The following KHDRBS3 variants were observed in gnomAD, a reference collection of about 807,000 sequenced individuals.
KHDRBS3 encodes KH domain-containing, RNA-binding, signal transduction-associated protein 3.
KHDRBS3 carries 23 observed loss-of-function variants against 45.6 expected under a neutral mutation model. That is an observed-to-expected ratio of 0.50 (90% CI 0.36 to 0.72). The LOEUF (loss-of-function observed/expected upper bound fraction) is 0.72. Ranked by LOEUF, KHDRBS3 falls within the 30% of genes least tolerant of loss-of-function variation. The pLI, the probability that KHDRBS3 is intolerant of heterozygous loss-of-function variation, is 0.00. For missense variants in KHDRBS3, 352 were observed against 424.8 expected (o/e 0.83, Z 1.51); for synonymous variants, 162 against 156.5 (o/e 1.04, Z -0.26).
chr8:135,555,331 A>C (rs1826822583), intron 4 of KHDRBS3, among the ~76,000 whole-genome samples: 1 of 152,068 alleles, frequency 6.6e-6, no homozygotes, highest in Non-Finnish European at 1.5e-5. Context: ...AATGTGGCCC[A>C]GCACAAATCC....
intron 5 of KHDRBS3, among the ~76,000 whole-genome samples, chr8:135,580,585 C>T (rs188077143): frequency 2.0e-5 from 3 of 148,820 alleles, no homozygotes; most frequent in African/African-American, 7.4e-5. Flanking sequence ...TAATGAAATC[C>T]TCTTCCTCTC....
intron 1 of KHDRBS3, among the ~76,000 whole-genome samples, chr8:135,472,872 A>G (rs1822082189): frequency 6.6e-6 from 1 of 152,202 alleles, no homozygotes; most frequent in African/African-American, 2.4e-5. Context: ...GTGTGGAATC[A>G]AAAGGGAAAG....
intron 2 of KHDRBS3, chr8:135,540,028 TTA>T (rs368829503): frequency 2.0e-5 from 3 of 152,222 alleles, no homozygotes; most frequent in African/African-American, 7.2e-5. Context: ...CTCTTAATTT[TTA>T]TCACTTGGGA....
chr8:135,599,357 T>C (rs900695677), intron 6 of KHDRBS3, among the ~76,000 whole-genome samples: 16 of 152,228 alleles, frequency 1.1e-4, no homozygotes, highest in African/African-American at 3.6e-4. Context: ...TGTTCTGATA[T>C]CAAAAGTAGA....
intron 6 of KHDRBS3, among the ~76,000 whole-genome samples, chr8:135,604,435 G>A (rs1425659481): frequency 6.6e-6 from 1 of 151,520 alleles, no homozygotes; most frequent in Non-Finnish European, 1.5e-5. Flanking sequence ...TGATAATGTA[G>A]GATTTATGCC....
intron 1 of KHDRBS3, among the ~76,000 whole-genome samples, chr8:135,478,074 T>G (rs556049232): frequency 2.0e-4 from 30 of 152,154 alleles, no homozygotes; most frequent in Non-Finnish European, 3.8e-4. Flanking sequence ...ATGCTCCTTA[T>G]AAGAATCCAA....
At chr8:135,496,159 G>A (rs772539795) in intron 1 of KHDRBS3, among the ~76,000 whole-genome samples, 6 of 131,612 alleles carry the variant, frequency 4.6e-5, no homozygotes, top group Admixed American at 8.6e-5. Context: ...GAAGTAGGAA[G>A]GAAAACTGTA....
chr8:135,644,613 C>T (rs1831204963), intron 7 of KHDRBS3, among the ~76,000 whole-genome samples: 1 of 152,192 alleles, frequency 6.6e-6, no homozygotes, highest in African/African-American at 2.4e-5. Context: ...GTAAACATCC[C>T]ATCTATTGGA....
At chr8:135,565,268 G>A (rs1299795722) in intron 5 of KHDRBS3, among the ~76,000 whole-genome samples, 1 of 152,154 alleles carries the variant, frequency 6.6e-6, no homozygotes, top group African/African-American at 2.4e-5. Flanking sequence ...TTTCTTTAGA[G>A]GGAAGGAATG....
At chr8:135,538,248 A>G (rs899200976) in intron 2 of KHDRBS3, among the ~76,000 whole-genome samples, 3 of 152,304 alleles carry the variant, frequency 2.0e-5, no homozygotes, top group Non-Finnish European at 4.4e-5. Context: ...AGATGGGTCA[A>G]AGTTCAGGGG....
At chr8:135,603,664 T>A (rs554712707) in intron 6 of KHDRBS3, among the ~76,000 whole-genome samples, 11 of 152,280 alleles carry the variant, frequency 7.2e-5, no homozygotes, top group Middle Eastern at 3.4e-3. Context: ...TCTAAAAAAA[T>A]TTTTTTAAAT....
chr8:135,635,455 C>T (rs1049299652), intron 7 of KHDRBS3, among the ~76,000 whole-genome samples: 4 of 152,220 alleles, frequency 2.6e-5, no homozygotes, highest in Non-Finnish European at 5.9e-5. Flanking sequence ...ACGATCTTGG[C>T]TCACCGCAAA....
At chr8:135,527,239 C>T (rs778362294) in intron 2 of KHDRBS3, among the ~76,000 whole-genome samples, 2 of 152,034 alleles carry the variant, frequency 1.3e-5, no homozygotes, top group African/African-American at 4.8e-5. Flanking sequence ...TTGGTGAATG[C>T]AGATGAATAA....
intron 1 of KHDRBS3, among the ~76,000 whole-genome samples, chr8:135,518,712 T>C (rs1293263949): frequency 6.6e-6 from 1 of 152,234 alleles, no homozygotes; most frequent in African/African-American, 2.4e-5. Context: ...TGAGACTTAC[T>C]GCTCTTTACT....
intron 5 of KHDRBS3, among the ~76,000 whole-genome samples, chr8:135,560,073 AAG>A (rs1042759751): frequency 1.3e-5 from 2 of 152,138 alleles, no homozygotes; most frequent in Non-Finnish European, 2.9e-5. Context: ...ATAAACTAAA[AAG>A]AGAAACATAA....
At chr8:135,648,609 C>T (rs1471365734), downstream of KHDRBS3, 1 of 152,048 alleles carries the variant, frequency 6.6e-6, no homozygotes, top group Non-Finnish European at 1.5e-5. Context: ...GTAAGTTTGC[C>T]TTTTTGTTCC....
chr8:135,467,110 CCTA>C (rs1253103148), intron 1 of KHDRBS3, among the ~76,000 whole-genome samples: 41 of 152,290 alleles, frequency 2.7e-4, no homozygotes, highest in Non-Finnish European at 1.6e-4. Context: ...AACATGTACA[CCTA>C]CTGTGTACCC....
At chr8:135,628,547 G>A (rs1457900296) in intron 7 of KHDRBS3, among the ~76,000 whole-genome samples, 1 of 152,094 alleles carries the variant, frequency 6.6e-6, no homozygotes, top group Non-Finnish European at 1.5e-5. Flanking sequence ...TAGAATACAT[G>A]GCTTATAATA....
Position 135,457,919 on chromosome 8 carries a change from C to G in KHDRBS3, c.53C>G (p.Pro18Arg). 1 of 1,603,322 alleles carries G rather than the reference C, an allele frequency of 6.2e-7. No homozygotes were observed. The highest frequency in any genetic ancestry group is 2.3e-5 in the East Asian group (1 of 44,054). ...ELMAEKDSLD[P>R]SFTHALRLVN... ...ATGGCGGAGAAGGACTCCCTGGACC[C>G]CTCCTTCACGCACGCCCTGCGCCTG... is the stretch of plus-strand genomic sequence containing the variant. Residue 18 changes from proline to arginine, a missense_variant, in exon 1 of 9, where the codon CCC becomes CGC. Around this residue, in one of 6 missense-constraint regions of KHDRBS3, gnomAD observed 58 missense variants for 64.5 expected, o/e 0.90. Transcript: ENST00000355849. The surrounding 1 kb of genome is among the most constrained non-coding windows in gnomAD (Gnocchi z 4.4).
Sources: allele counts gnomAD v4.1 joint callset (sites outside exome capture counted in the v4.1 genomes callset), GRCh38; gene constraint gnomAD v4.1.1; regional missense constraint gnomAD v4.1.1; non-coding constraint Gnocchi (gnomAD v3.1); transcripts MANE v1.5; gene names NCBI Gene and HGNC (gene_info 2026-07-23, HGNC 2026-07-21).